The following RAD54B variants were observed in gnomAD, a reference collection of about 807,000 sequenced individuals.
RAD54B encodes RAD54 homolog B.
In RAD54B, 78 loss-of-function variants were observed where a neutral mutation model predicts 95.8. The observed-to-expected ratio is 0.81, with a 90% CI of 0.68 to 0.98. The LOEUF is 0.98. RAD54B is among the 50% of genes least tolerant of loss of function. The pLI, the probability that RAD54B is intolerant of heterozygous loss-of-function variation, is 0.00. For synonymous variants in RAD54B, 328 were observed against 354.9 expected (o/e 0.92, Z 0.85); for missense variants, 957 against 1,056.6 (o/e 0.91, Z 1.31).
In RAD54B at chr8:94,378,310, G is replaced by A. The variant is rs572182297; in HGVS notation, c.2385C>T (p.Leu795=). ...KQGLCGAVVD[L]TKTSEHIQFS... ...ACTGAATATGTTCAGATGTCTTGGT[G>A]AGGTCGACAACTGCCCCACAAAGAC... The change falls in exon 14 of 15, where the codon CTC becomes CTT. Residue 795 remains leucine (L), a synonymous_variant. Coordinates refer to ENST00000336148, the MANE Select transcript of RAD54B (RefSeq NM_012415.3). The A allele has an allele frequency of 1.2e-6, 2 of 1,613,922 alleles. No homozygotes were observed. Among genetic ancestry groups the A allele is most frequent in the East Asian group, 2.2e-5 (1 of 44,838 alleles).
rs149121834 is a variant in RAD54B at position 94,378,211 on chromosome 8, G to A, written c.2484C>T (p.Asp828=). 1.2e-6 allele frequency: 2 copies of A among 1,611,990 alleles called. No individual in the cohort carries two copies. The highest frequency in any genetic ancestry group is 2.7e-5 in the African/African-American group (2 of 74,828). Residue 828 remains aspartate (D), a synonymous_variant, in exon 14 of 15, where the codon GAC becomes GAT. Coordinates refer to ENST00000336148, the MANE Select transcript of RAD54B (RefSeq NM_012415.3). ...GAACTTCTTCTCCTGTACACTCACA[G>A]TCAAGCAGATCATGAGTAACACAAT... The part of the protein sequence containing the change: ...SSDCVTHDLL[D]CECTGEEVHT...
At chr8:94,382,910 C>T (rs996691974) in intron 11 of RAD54B, among the ~76,000 whole-genome samples, 14 of 152,270 alleles carry the variant, frequency 9.2e-5, no homozygotes, top group African/African-American at 2.9e-4. Context: ...AACTGTGAGT[C>T]AATTAAACCT....
At chr8:94,443,988 A>T (rs867314579) in intron 3 of RAD54B, among the ~76,000 whole-genome samples, 1 of 152,116 alleles carries the variant, frequency 6.6e-6, no homozygotes, top group Non-Finnish European at 1.5e-5. Context: ...CAAGTTTACC[A>T]ATTTTTTGAG....
chr8:94,440,565 G>T (rs1023497211), intron 3 of RAD54B, among the ~76,000 whole-genome samples: 5 of 152,176 alleles, frequency 3.3e-5, no homozygotes, highest in Non-Finnish European at 7.3e-5. Flanking sequence ...ATGCTCGTTG[G>T]TGTAGTCATA....
chr8:94,380,734 G>A (rs1241135896), intron 11 of RAD54B, among the ~76,000 whole-genome samples: 6 of 152,196 alleles, frequency 3.9e-5, no homozygotes, highest in Non-Finnish European at 5.9e-5. Context: ...TAGTGAAGCA[G>A]TCACCTGCTT....
chr8:94,387,025 G>T lies in RAD54B; in HGVS notation c.1944C>A (p.Ser648=). ...EKESGKLQVL[S]KLLAVIHELR... Reference sequence around the variant, plus strand: ...GTTCGTGGATAACCGCTAAGAGCTTGGACAACACCTGTAGTTTTCCTGACT... The same window carrying T: ...GTTCGTGGATAACCGCTAAGAGCTTTGACAACACCTGTAGTTTTCCTGACT... The change falls in exon 11 of 15, where the codon TCC becomes TCA. Residue 648 remains serine (S), a synonymous_variant. Transcript: ENST00000336148. 1 of 1,610,928 alleles carries T rather than the reference G, an allele frequency of 6.2e-7. No individual in the cohort carries two copies. The highest frequency in any genetic ancestry group is 8.5e-7 in the Non-Finnish European group (1 of 1,179,112).
At chr8:94,455,621 T>C (rs950150820) in intron 3 of RAD54B, among the ~76,000 whole-genome samples, 2 of 152,216 alleles carry the variant, frequency 1.3e-5, no homozygotes, top group Admixed American at 1.3e-4. Flanking sequence ...TGTAACAAAC[T>C]GGGTGGCTTT....
intron 3 of RAD54B, among the ~76,000 whole-genome samples, chr8:94,424,553 T>A (rs552137890): frequency 6.6e-6 from 1 of 152,200 alleles, no homozygotes; most frequent in African/African-American, 2.4e-5. Context: ...CATGGAATAG[T>A]GGAACATAAC....
chr8:94,470,182 G>A (rs1279906676), intron 1 of RAD54B, among the ~76,000 whole-genome samples: 2 of 152,182 alleles, frequency 1.3e-5, no homozygotes, highest in African/African-American at 4.8e-5. Flanking sequence ...AGCTGGGCAG[G>A]ACACAGTGGC....
chr8:94,427,300 AAAAT>A (rs1366910011), intron 3 of RAD54B, among the ~76,000 whole-genome samples: 2 of 152,072 alleles, frequency 1.3e-5, no homozygotes, highest in African/African-American at 2.4e-5. Flanking sequence ...TTGGAAACTA[AAAAT>A]AAATAATATG....
intron 3 of RAD54B, among the ~76,000 whole-genome samples, chr8:94,419,055 AG>A (rs151222360): frequency 0.029 from 4,439 of 152,316 alleles, 81 homozygotes; most frequent in Non-Finnish European, 0.043. Flanking sequence ...TGAGAAAAAA[AG>A]AAAAGATTCT....
intron 3 of RAD54B, among the ~76,000 whole-genome samples, chr8:94,422,620 ATATATATATATATATATAT>A (rs1811846194): frequency 1.7e-4 from 7 of 42,338 alleles, no homozygotes; most frequent in Non-Finnish European, 2.8e-4. Flanking sequence ...AAAAAAAAAT[ATATATATATATATATATAT>A]ATATATATAT....
intron 3 of RAD54B, among the ~76,000 whole-genome samples, chr8:94,445,690 G>A (rs1236961983): frequency 6.6e-6 from 1 of 151,714 alleles, no homozygotes; most frequent in Non-Finnish European, 1.5e-5. Context: ...AATGTATTTA[G>A]GTACATTAAT....
At chr8:94,447,878 T>G (rs1812559113) in intron 3 of RAD54B, among the ~76,000 whole-genome samples, 1 of 152,184 alleles carries the variant, frequency 6.6e-6, no homozygotes, top group Non-Finnish European at 1.5e-5. Flanking sequence ...ACTGGGCTCA[T>G]GACAATATCC....
At chr8:94,439,886 A>G (rs925882365) in intron 3 of RAD54B, among the ~76,000 whole-genome samples, 1 of 152,192 alleles carries the variant, frequency 6.6e-6, no homozygotes, top group African/African-American at 2.4e-5. Context: ...ATTGTTTATT[A>G]TCAGACCTAA....
chr8:94,460,283 C>T (rs1316390596), intron 2 of RAD54B, among the ~76,000 whole-genome samples: 1 of 152,142 alleles, frequency 6.6e-6, no homozygotes, highest in African/African-American at 2.4e-5. Flanking sequence ...CCAGCCTGGG[C>T]AACATAGTGA....
rs547394833 is a variant in RAD54B at position 94,440,479 on chromosome 8, T to C, written c.304+17789A>G. ...ATACTTGTTAAGAATATTACGAATA[T>C]ATGTGTAAATGCTATGAATCACTGC... On this transcript the variant is annotated intron_variant, in intron 3 of 14. Transcript: ENST00000336148. Among the ~76,000 whole-genome samples, 60 of 152,290 alleles carry C rather than the reference T, an allele frequency of 3.9e-4. No individual in the cohort carries two copies. The South Asian group carries it at 7.7e-3, about 19-fold the overall frequency.
At chr8:94,378,498 C>T in intron 13 of RAD54B, 70 bp downstream of exon 13, 1 of 1,462,756 alleles carries the variant, frequency 6.8e-7, no homozygotes, top group Non-Finnish European at 9.4e-7. Context: ...GACACTGAAG[C>T]ACAGGCTAAC....
At chr8:94,390,742 G>T (rs1810998880) in intron 10 of RAD54B, among the ~76,000 whole-genome samples, 1 of 151,814 alleles carries the variant, frequency 6.6e-6, no homozygotes, top group Non-Finnish European at 1.5e-5. Context: ...GGTACAGGTT[G>T]ACCATCCTTT....
Sources: allele counts gnomAD v4.1 joint callset (sites outside exome capture counted in the v4.1 genomes callset), GRCh38; gene constraint gnomAD v4.1.1; transcripts MANE v1.5; gene names NCBI Gene and HGNC (gene_info 2026-07-23, HGNC 2026-07-21).